The following GATAD2B variants were observed in gnomAD, a reference collection of about 807,000 sequenced individuals.
GATAD2B encodes the protein GATA zinc finger domain containing 2B.
In GATAD2B, 8 loss-of-function variants were observed where a neutral mutation model predicts 64.3. The ratio of observed to expected loss-of-function variants is 0.12; its 90% confidence interval spans 0.07 to 0.22. The LOEUF (loss-of-function observed/expected upper bound fraction) is 0.22, where lower values mean the gene tolerates loss of function less well. GATAD2B is among the 10% of genes least tolerant of loss of function. GATAD2B has a pLI of 1.00. For synonymous variants in GATAD2B, 281 were observed against 271.3 expected (o/e 1.04, Z -0.35); for missense variants, 453 against 752.0 (o/e 0.60, Z 4.65).
At chr1:153,848,612 TC>T (rs1475498584) in intron 1 of GATAD2B, among the ~76,000 whole-genome samples, 5 of 152,204 alleles carry the variant, frequency 3.3e-5, no homozygotes, top group African/African-American at 1.2e-4. Flanking sequence ...GTCATTCTCC[TC>T]CGAAACTCTC....
chr1:153,915,741 T>TA (rs56236211), intron 1 of GATAD2B, among the ~76,000 whole-genome samples: 2,495 of 98,048 alleles, frequency 0.025, 37 homozygotes, highest in African/African-American at 0.041. Flanking sequence ...CTTGTCTATA[T>TA]AAAAAAAAAA....
At chr1:153,870,367 C>T (rs1223413573) in intron 1 of GATAD2B, among the ~76,000 whole-genome samples, 2 of 152,086 alleles carry the variant, frequency 1.3e-5, no homozygotes, top group African/African-American at 4.8e-5. Flanking sequence ...GTCAGGAGAT[C>T]GAAACCATCC....
rs149432315 is a variant in GATAD2B at position 153,860,014 on chromosome 1, C to G, written c.-1-31666G>C. ...CTCACTGGAACCTCTGCCCCAGGTT[C>G]AAGCGATTCTCCTGCCTCAGTCTCC... On this transcript the variant is annotated intron_variant, in intron 1 of 10. Coordinates refer to ENST00000368655, the MANE Select transcript of GATAD2B (RefSeq NM_020699.4). Among the ~76,000 whole-genome samples, 44 of 140,482 alleles carry G rather than the reference C, an allele frequency of 3.1e-4. No homozygotes were observed. In the East Asian group the frequency reaches 9.0e-3, roughly 29 times the overall value. The allele number at this position is 140,482 out of a possible 152,430, so 92.2% of individuals were successfully genotyped here.
In GATAD2B at chr1:153,849,157, C is replaced by T. The variant is rs188287018; in HGVS notation, c.-1-20809G>A. ...GTATGTCACCGTACCCAGCTTTGGG[C>T]ACTTTATAATGACCAGAAGTTTATT... is the stretch of plus-strand genomic sequence containing the variant. On this transcript the variant is annotated intron_variant, in intron 1 of 10. Coordinates refer to ENST00000368655, the MANE Select transcript of GATAD2B (RefSeq NM_020699.4). 2.0e-4 allele frequency among the ~76,000 whole-genome samples: 31 copies of T among 152,290 alleles called. 1 individual carries two copies. The East Asian group carries it at 5.0e-3, about 25-fold the overall frequency.
intron 1 of GATAD2B, among the ~76,000 whole-genome samples, chr1:153,914,049 C>A (rs185975037): frequency 6.6e-6 from 1 of 151,706 alleles, no homozygotes. Flanking sequence ...TCGAGACCAG[C>A]CTGGCCAACA....
intron 1 of GATAD2B, among the ~76,000 whole-genome samples, chr1:153,915,022 A>C (rs1678220168): frequency 6.6e-6 from 1 of 152,128 alleles, no homozygotes; most frequent in Non-Finnish European, 1.5e-5. Flanking sequence ...CAGGAGTCTG[A>C]GACCAGCCTG....
rs35169408 is a variant in GATAD2B at position 153,806,993 on chromosome 1, G to GA, written c.*3183dup. 3 of 152,072 alleles carry GA rather than the reference G, an allele frequency of 2.0e-5. No homozygotes were observed. The highest frequency in any genetic ancestry group is 7.2e-5 in the African/African-American group (3 of 41,396). The allele number at this position is 152,072 out of a possible 1,614,324, so 9.4% of individuals were successfully genotyped here. ...ACCATACATATATCCAAAAATGTGG[G>GA]AAAAATACTTATTCCAGGGAGAGAG... On this transcript the variant is annotated 3_prime_UTR_variant, in exon 11 of 11. Coordinates refer to ENST00000368655, the MANE Select transcript of GATAD2B (RefSeq NM_020699.4).
At chr1:153,811,557 G>A in intron 10 of GATAD2B, 174 bp downstream of exon 10, 2 of 691,010 alleles carry the variant, frequency 2.9e-6, no homozygotes, top group Non-Finnish European at 2.6e-6. Context: ...TGCATTGTGG[G>A]TGGCACTTAA....
chr1:153,824,439 C>T (rs1346324950), intron 2 of GATAD2B, among the ~76,000 whole-genome samples: 2 of 151,780 alleles, frequency 1.3e-5, no homozygotes, highest in East Asian at 1.9e-4. Context: ...ACCATCTGGC[C>T]AACATGGCGA....
At chr1:153,863,531 G>T (rs1676382546) in intron 1 of GATAD2B, among the ~76,000 whole-genome samples, 1 of 151,038 alleles carries the variant, frequency 6.6e-6, no homozygotes, top group African/African-American at 2.4e-5. Context: ...AAAAACAACA[G>T]GAAAGTAAGC....
intron 1 of GATAD2B, among the ~76,000 whole-genome samples, chr1:153,898,336 AAAG>A (rs1243811834): frequency 1.4e-5 from 2 of 145,294 alleles, no homozygotes; most frequent in Non-Finnish European, 2.9e-5. Context: ...AAAAAAGAAA[AAAG>A]AAAAACAAAA....
chr1:153,902,715 C>T (rs972619052), intron 1 of GATAD2B, among the ~76,000 whole-genome samples: 7 of 152,150 alleles, frequency 4.6e-5, no homozygotes, highest in African/African-American at 1.7e-4. Context: ...CTCAGCCTCC[C>T]AAAGTGTTAG....
rs71093296 is a variant in GATAD2B at position 153,876,227 on chromosome 1, C to CAAAAAAAAAAAAAAAAAAAA, written c.-2+46486_-2+46505dup. On this transcript the variant is annotated intron_variant, in intron 1 of 10. Transcript: ENST00000368655. ...TGGGCAACACAGTGAGACTTCGTCT[C>CAAAAAAAAAAAAAAAAAAAA]AAAAAAAAAAAAAAAAAAAAAAAAA... Among the ~76,000 whole-genome samples, 35 of 48,430 alleles carry CAAAAAAAAAAAAAAAAAAAA rather than the reference C, an allele frequency of 7.2e-4. 9 individuals carry two copies. The highest frequency in any genetic ancestry group is 2.2e-3 in the Admixed American group (6 of 2,790). 31.8% of individuals were successfully genotyped at this position (48,430 alleles called of 152,430 possible).
intron 1 of GATAD2B, chr1:153,852,332 C>G: frequency 1.1e-6 from 1 of 944,404 alleles, no homozygotes; most frequent in Admixed American, 1.7e-5. Flanking sequence ...AAGGAGGCAG[C>G]ATTGCAGAAC....
intron 1 of GATAD2B, among the ~76,000 whole-genome samples, chr1:153,884,290 A>G (rs1677098004): frequency 6.6e-6 from 1 of 151,826 alleles, no homozygotes; most frequent in Non-Finnish European, 1.5e-5. Flanking sequence ...ATACAAAAAA[A>G]TTAGCCAGGC....
chr1:153,842,485 ATGT>A (rs1166331665), intron 1 of GATAD2B, among the ~76,000 whole-genome samples: 3 of 152,154 alleles, frequency 2.0e-5, no homozygotes, highest in African/African-American at 2.4e-5. Context: ...CCTCCTTCAG[ATGT>A]TGTTTCCATT....
intron 1 of GATAD2B, among the ~76,000 whole-genome samples, chr1:153,891,780 C>T (rs1024956973): frequency 6.6e-6 from 1 of 151,570 alleles, no homozygotes; most frequent in East Asian, 1.9e-4. Flanking sequence ...GCATATATCA[C>T]CTATCCAAAA....
intron 1 of GATAD2B, among the ~76,000 whole-genome samples, chr1:153,862,860 GA>G (rs1392854778): frequency 6.6e-6 from 1 of 151,806 alleles, no homozygotes; most frequent in East Asian, 1.9e-4. Context: ...AAGTAGCTGG[GA>G]TTACAGGCAT....
At chr1:153,841,722 T>A (rs751382258) in intron 1 of GATAD2B, among the ~76,000 whole-genome samples, 1 of 152,328 alleles carries the variant, frequency 6.6e-6, no homozygotes, top group Middle Eastern at 3.4e-3. Flanking sequence ...TTTTCCGTTT[T>A]TGGCTATTAG....
Sources: gnomAD v4.1 joint callset for allele counts (sites outside exome capture counted in the v4.1 genomes callset) on GRCh38, gnomAD v4.1.1 for gene constraint, MANE v1.5 for transcripts, NCBI Gene and HGNC (gene_info 2026-07-23, HGNC 2026-07-21) for gene names.